Variants in TEX46 observed in about 807,000 individuals in gnomAD.
TEX46 encodes testis expressed 46, also known as testis-expressed protein 46.
In TEX46, 6 loss-of-function variants were observed where a neutral mutation model predicts 5.3. The ratio of observed to expected loss-of-function variants is 1.13; its 90% CI spans 0.62 to 2.23. TEX46 has a LOEUF of 2.23. TEX46 is among the 30% of genes most tolerant of loss of function. The pLI, the probability that TEX46 is intolerant of heterozygous loss-of-function variation, is 0.00. For missense variants in TEX46, 131 were observed against 150.9 expected, an observed-to-expected ratio of 0.87 and a Z score of 0.69; for synonymous variants, 41 against 54.6, an observed-to-expected ratio of 0.75 and a Z score of 1.10.
At chr1:23,012,821 C>T (rs2124289963) in intron 2 of TEX46, among the ~76,000 whole-genome samples, 1 of 151,074 alleles carries the variant, frequency 6.6e-6, no homozygotes, top group African/African-American at 2.4e-5. Flanking sequence ...CCTTAAAATA[C>T]TTTCACTGCA....
chr1:23,014,525 ATAGT>A (rs1569577134), intron 1 of TEX46, among the ~76,000 whole-genome samples: 1 of 152,048 alleles, frequency 6.6e-6, no homozygotes, highest in South Asian at 2.1e-4. Flanking sequence ...TGGACTCTGT[ATAGT>A]TAGACATTAA....
chr1:23,015,393 G>A (rs1309866155), intron 1 of TEX46, among the ~76,000 whole-genome samples: 4 of 122,554 alleles, frequency 3.3e-5, no homozygotes, highest in African/African-American at 9.5e-5. Context: ...CCGAGATCGC[G>A]CCACTGCACT....
At chr1:23,012,153 C>T (rs559737125) in intron 2 of TEX46, among the ~76,000 whole-genome samples, 22 of 152,066 alleles carry the variant, frequency 1.4e-4, no homozygotes, top group Non-Finnish European at 2.6e-4. Flanking sequence ...AGTTTGAAAC[C>T]AGCCTGGGAA....
chr1:23,011,159 G>C lies in TEX46; in HGVS notation c.166-58C>G, dbSNP rs1053294950. Reference sequence around the variant, plus strand: ...CTTCTTTTGTGTTCACGGCCTTGCTGTTCTTGGAGTCGTTTTCAGAAGTCT... The same window carrying C: ...CTTCTTTTGTGTTCACGGCCTTGCTCTTCTTGGAGTCGTTTTCAGAAGTCT... On this transcript the variant is annotated intron_variant, in intron 2 of 2. Coordinates refer to ENST00000566855, the MANE Select transcript of TEX46 (RefSeq NM_001242521.2). The C allele has an allele frequency of 4.4e-6, 6 of 1,366,446 alleles. No individual in the cohort carries two copies. The African/African-American group carries it at 8.7e-5, about 20-fold the overall frequency. 84.6% of individuals were successfully genotyped at this position (1,366,446 alleles called of 1,614,324 possible).
chr1:23,013,903 T>A lies in TEX46; in HGVS notation c.145A>T (p.Thr49Ser). ...CTCACCTGCTGGGGCTCTGGGAGGG[T>A]GAGCTTGTGTTCATACTTGACCAAC... ...NWLVKYEHKL[T>S]LPEPQQDEIL... is the part of the protein sequence containing the mutation. The change falls in exon 2 of 3, where the codon ACC becomes TCC. Residue 49 changes from threonine to serine, a missense_variant. By Grantham distance (58) the Thr-to-Ser change is moderately conservative. Coordinates refer to ENST00000566855, the MANE Select transcript of TEX46 (RefSeq NM_001242521.2). 3 of 1,535,778 alleles carry A rather than the reference T, an allele frequency of 2.0e-6. No individual in the cohort carries two copies. Among genetic ancestry groups the A allele is most frequent in the Non-Finnish European group, 2.6e-6 (3 of 1,146,804 alleles).
At chr1:23,012,717 G>A (rs1041784521) in intron 2 of TEX46, among the ~76,000 whole-genome samples, 3 of 152,292 alleles carry the variant, frequency 2.0e-5, no homozygotes, top group African/African-American at 2.4e-5. Context: ...CGGGGTGGCC[G>A]CTAAGCTAAC....
chr1:23,014,083 G>A (rs779573596), intron 1 of TEX46, 38 bp from the exon 2 acceptor site: 501 of 1,526,834 alleles, frequency 3.3e-4, no homozygotes, highest in Non-Finnish European at 3.9e-4. Flanking sequence ...ATTATGGCGT[G>A]GAGGCACACA....
chr1:23,014,798 C>T (rs1346918639), intron 1 of TEX46, among the ~76,000 whole-genome samples: 1 of 151,884 alleles, frequency 6.6e-6, no homozygotes, highest in Non-Finnish European at 1.5e-5. Context: ...TAGCCTCAAG[C>T]AATTCTCCCT....
intron 1 of TEX46, among the ~76,000 whole-genome samples, chr1:23,014,532 G>A (rs1442760164): frequency 6.6e-6 from 1 of 152,024 alleles, no homozygotes; most frequent in East Asian, 1.9e-4. Flanking sequence ...TGTATAGTTA[G>A]ACATTAATTT....
At chr1:23,014,171 TCC>T in intron 1 of TEX46, 126 bp from the exon 2 acceptor site, 2 of 597,450 alleles carry the variant, frequency 3.3e-6, no homozygotes, top group Non-Finnish European at 5.2e-6. Flanking sequence ...GCCAGCTCCC[TCC>T]CCCCACCCAG....
intron 2 of TEX46, among the ~76,000 whole-genome samples, chr1:23,012,931 G>T (rs1420148005): frequency 6.9e-6 from 1 of 144,308 alleles, no homozygotes. Context: ...TAGTACAGTG[G>T]CATGCTCACT....
intron 1 of TEX46, among the ~76,000 whole-genome samples, chr1:23,015,121 G>C (rs757381347): frequency 6.6e-6 from 1 of 151,722 alleles, no homozygotes; most frequent in Non-Finnish European, 1.5e-5. Flanking sequence ...GGGATTACAG[G>C]TGTGAGTCCC....
chr1:23,015,197 C>T (rs80295797), intron 1 of TEX46, among the ~76,000 whole-genome samples: 45,518 of 150,808 alleles, frequency 0.3, 6,970 homozygotes, highest in Middle Eastern at 0.41. Flanking sequence ...CGCCTGTAAT[C>T]CCAGCACTTT....
chr1:23,011,305 C>T, intron 2 of TEX46: 1 of 516,810 alleles, frequency 1.9e-6, no homozygotes, highest in South Asian at 3.2e-5. Context: ...CAAACATTAT[C>T]TTAACAGAGT....
At chr1:23,015,741 A>C in intron 1 of TEX46, 31 bp downstream of exon 1, 3 of 697,364 alleles carry the variant, frequency 4.3e-6, no homozygotes, top group Non-Finnish European at 7.8e-6. Flanking sequence ...CAGTCACAAA[A>C]AAAAAACAAA....
intron 1 of TEX46, among the ~76,000 whole-genome samples, chr1:23,015,553 T>C (rs1641408942): frequency 6.7e-6 from 1 of 149,534 alleles, no homozygotes; most frequent in Non-Finnish European, 1.5e-5. Flanking sequence ...TAGACCAATG[T>C]TCACAGCAGC....
chr1:23,013,911 T>G lies in TEX46; in HGVS notation c.137A>C (p.His46Pro). ...LLSNWLVKYE[H>P]KLTLPEPQQD... is the part of the protein sequence containing the mutation. Reference sequence around the variant, plus strand: ...CTGGGGCTCTGGGAGGGTGAGCTTGTGTTCATACTTGACCAACCAGTTGCT... The same window carrying G: ...CTGGGGCTCTGGGAGGGTGAGCTTGGGTTCATACTTGACCAACCAGTTGCT... The change falls in exon 2 of 3, where the codon CAC becomes CCC. Residue 46 changes from histidine to proline, a missense_variant. Coordinates refer to ENST00000566855, the MANE Select transcript of TEX46 (RefSeq NM_001242521.2). The G allele has an allele frequency of 6.5e-7, 1 of 1,536,078 alleles. No homozygotes were observed. Among genetic ancestry groups the G allele is most frequent in the Non-Finnish European group, 8.7e-7 (1 of 1,146,888 alleles).
At chr1:23,011,910 G>C (rs1641356376) in intron 2 of TEX46, among the ~76,000 whole-genome samples, 1 of 152,160 alleles carries the variant, frequency 6.6e-6, no homozygotes, top group Admixed American at 6.5e-5. Context: ...ATTTTGTCAG[G>C]CTCAGTACGA....
At chr1:23,011,448 A>T (rs933557354) in intron 2 of TEX46, among the ~76,000 whole-genome samples, 19 of 148,998 alleles carry the variant, frequency 1.3e-4, no homozygotes, top group Non-Finnish European at 1.8e-4. Flanking sequence ...GCTGGAGTGC[A>T]ATGGTGTGAT....
Sources: allele counts gnomAD v4.1 joint callset (sites outside exome capture counted in the v4.1 genomes callset), GRCh38; gene constraint gnomAD v4.1.1; transcripts MANE v1.5; gene names NCBI Gene and HGNC (gene_info 2026-07-23, HGNC 2026-07-21).